ZNF420: variants seen among roughly 807,000 people sequenced by gnomAD.
The protein encoded by ZNF420 is zinc finger protein 420, also known as ATM and p53-associated KZNF protein.
A neutral mutation model predicts 44.7 loss-of-function variants in ZNF420; 31 were observed. The observed-to-expected ratio is 0.69, with a 90% CI of 0.52 to 0.94. The LOEUF is 0.94. Ranked by LOEUF, ZNF420 falls within the 40% of genes least tolerant of loss-of-function variation. The pLI is 0.00. For synonymous variants in ZNF420, 245 were observed against 267.4 expected, an observed-to-expected ratio of 0.92 and a Z score of 0.82; for missense variants, 681 against 827.9, an observed-to-expected ratio of 0.82 and a Z score of 2.18.
intron 1 of ZNF420, among the ~76,000 whole-genome samples, chr19:37,069,013 A>G (rs1054793881): frequency 4.8e-5 from 7 of 147,236 alleles, no homozygotes; most frequent in Admixed American, 6.6e-5. Flanking sequence ...GATATTATAC[A>G]TAGTTCTTTT....
intron 1 of ZNF420, among the ~76,000 whole-genome samples, chr19:37,030,223 G>A (rs1009102739): frequency 3.3e-5 from 5 of 152,060 alleles, no homozygotes; most frequent in Admixed American, 2.6e-4. Context: ...ATGCAGTGGC[G>A]TGATCTCTGC....
intron 4 of ZNF420, among the ~76,000 whole-genome samples, chr19:37,113,742 A>G (rs111869704): frequency 0.019 from 2,931 of 152,148 alleles, 78 homozygotes; most frequent in East Asian, 0.049. Context: ...ATTGCTTGTT[A>G]ATTAGTAGTG....
chr19:37,012,662 C>A (rs530266545), intron 1 of ZNF420, among the ~76,000 whole-genome samples: 1 of 152,106 alleles, frequency 6.6e-6, no homozygotes, highest in East Asian at 1.9e-4. Context: ...CCTGTGTGCC[C>A]GTGGGCTGCT....
In ZNF420 at chr19:37,081,365, G is replaced by A. The variant is rs187381563; in HGVS notation, c.-81+977G>A. 4.4e-3 allele frequency among the ~76,000 whole-genome samples: 677 copies of A among 152,274 alleles called. 12 individuals are homozygous for A. In the South Asian group the frequency reaches 0.052, roughly 12 times the overall value. On this transcript the variant is annotated intron_variant, in intron 2 of 4. Transcript: ENST00000337995. ...TGTGCACTTGAAAAGACTATATTCT[G>A]TGGTTGTTGGGTGGAGTGTTCTATA...
At chr19:37,042,788 G>A (rs79294195) in intron 1 of ZNF420, among the ~76,000 whole-genome samples, 1 of 152,268 alleles carries the variant, frequency 6.6e-6, no homozygotes, top group African/African-American at 2.4e-5. Context: ...AAGAAGTATA[G>A]CTTTCAGCCT....
At chr19:37,107,026 A>G (rs1489138344) in intron 4 of ZNF420, 1 of 152,200 alleles carries the variant, frequency 6.6e-6, no homozygotes. Flanking sequence ...GTTTTCTCCT[A>G]TCTCAGTAAA....
chr19:37,127,101 A>G (rs1971386880), intron 4 of ZNF420, 27 bp from the exon 5 acceptor site: 3 of 1,440,372 alleles, frequency 2.1e-6, no homozygotes, highest in Admixed American at 5.2e-5. Context: ...ATATTTCTCA[A>G]TTTTTTTATT....
intron 1 of ZNF420, among the ~76,000 whole-genome samples, chr19:37,051,620 A>G (rs1204456189): frequency 6.6e-6 from 1 of 151,430 alleles, no homozygotes; most frequent in Non-Finnish European, 1.5e-5. Context: ...TTTCTTCTTT[A>G]TTAGTCTTGC....
At chr19:37,111,965 C>G (rs1387956847) in intron 4 of ZNF420, among the ~76,000 whole-genome samples, 3 of 151,998 alleles carry the variant, frequency 2.0e-5, no homozygotes, top group African/African-American at 7.2e-5. Context: ...TGGATTTTTT[C>G]TGAATTACAA....
intron 1 of ZNF420, among the ~76,000 whole-genome samples, chr19:37,056,088 GTCTCTCTCTC>G (rs373594908): frequency 6.7e-6 from 1 of 149,508 alleles, no homozygotes; most frequent in Non-Finnish European, 1.5e-5. Flanking sequence ...CTCACTCTCT[GTCTCTCTCTC>G]TCTCTCTCTT....
At chr19:37,032,597 G>A (rs531572449) in intron 1 of ZNF420, among the ~76,000 whole-genome samples, 13 of 151,758 alleles carry the variant, frequency 8.6e-5, no homozygotes, top group African/African-American at 3.1e-4. Context: ...CAGAGGTCAG[G>A]AGTTCGAGAC....
intron 4 of ZNF420, among the ~76,000 whole-genome samples, chr19:37,100,272 A>AT (rs34321525): frequency 2.1e-3 from 318 of 148,698 alleles, no homozygotes; most frequent in Non-Finnish European, 3.7e-3. Flanking sequence ...AAATACTTGG[A>AT]TTTTTTTTTT....
intron 1 of ZNF420, among the ~76,000 whole-genome samples, chr19:37,013,617 C>A (rs1445319951): frequency 6.6e-6 from 1 of 152,178 alleles, no homozygotes; most frequent in Admixed American, 6.5e-5. Context: ...ATTTTGGATC[C>A]CACCCATTGA....
At chr19:37,124,523 CTTT>C (rs1226433228) in intron 4 of ZNF420, among the ~76,000 whole-genome samples, 1 of 152,288 alleles carries the variant, frequency 6.6e-6, no homozygotes, top group South Asian at 2.1e-4. Flanking sequence ...CTACCACACT[CTTT>C]TTTACCATAG....
chr19:37,074,260 A>T (rs931893251), upstream of ZNF420, among the ~76,000 whole-genome samples: 3 of 152,244 alleles, frequency 2.0e-5, no homozygotes, highest in Non-Finnish European at 4.4e-5. Context: ...AATAAAATTT[A>T]GTATCATTGG....
chr19:37,072,684 A>G (rs1329641697), intron 1 of ZNF420, among the ~76,000 whole-genome samples: 2 of 152,206 alleles, frequency 1.3e-5, no homozygotes, highest in East Asian at 1.9e-4. Flanking sequence ...CTATTCATAT[A>G]TATTTCAGGA....
In ZNF420 at chr19:37,091,115, T is replaced by C; in HGVS notation, c.130T>C (p.Ser44Pro). 6.3e-7 allele frequency: 1 copy of C among 1,585,730 alleles called. No homozygotes were observed. Among genetic ancestry groups the C allele is most frequent in the Non-Finnish European group, 8.6e-7 (1 of 1,167,422 alleles). Residue 44 changes from serine to proline, a missense_variant, in exon 4 of 5, where the codon TCA becomes CCA. Coordinates refer to ENST00000337995, the MANE Select transcript of ZNF420 (RefSeq NM_144689.5). ...VMLENYSNLV[S>P]LDLPSRCASK... ...GTTGGAGAACTATAGCAACTTGGTA[T>C]CACTAGGTAAGGAATCTAGCCTTCA...
chr19:37,126,784 A>G (rs1277730254), intron 4 of ZNF420, among the ~76,000 whole-genome samples: 5 of 152,044 alleles, frequency 3.3e-5, no homozygotes, highest in African/African-American at 7.3e-5. Flanking sequence ...ATATATTAAT[A>G]TATGAGATCC....
intron 1 of ZNF420, among the ~76,000 whole-genome samples, chr19:37,010,471 G>A (rs919253127): frequency 6.6e-6 from 1 of 152,020 alleles, no homozygotes; most frequent in Non-Finnish European, 1.5e-5. Flanking sequence ...GGGTTGCCTG[G>A]GGCTATGTGT....
Sources: gnomAD v4.1 joint callset for allele counts (sites outside exome capture counted in the v4.1 genomes callset) on GRCh38, gnomAD v4.1.1 for gene constraint, MANE v1.5 for transcripts, NCBI Gene and HGNC (gene_info 2026-07-23, HGNC 2026-07-21) for gene names.